HDLBP: variants seen among roughly 807,000 people sequenced by gnomAD.
HDLBP encodes high density lipoprotein binding protein.
In HDLBP, 30 loss-of-function variants were observed where a neutral mutation model predicts 137.3. The ratio of observed to expected loss-of-function variants is 0.22; its 90% CI spans 0.16 to 0.30. The LOEUF (loss-of-function observed/expected upper bound fraction) is 0.30. HDLBP is among the 10% of genes least tolerant of loss of function. The pLI is 1.00. For synonymous variants in HDLBP, 606 were observed against 596.0 expected, an observed-to-expected ratio of 1.02 and a Z score of -0.24; for missense variants, 1,119 against 1,667.3, an observed-to-expected ratio of 0.67 and a Z score of 5.73.
At chr2:241,236,237 A>T in intron 21 of HDLBP, 1 of 272,066 alleles carries the variant, frequency 3.7e-6, no homozygotes, top group Non-Finnish European at 7.0e-6. Flanking sequence ...CTCGACACTG[A>T]CTGCACACAA....
At chr2:241,295,561 TC>T (rs1318561286) in intron 1 of HDLBP, among the ~76,000 whole-genome samples, 1 of 152,148 alleles carries the variant, frequency 6.6e-6, no homozygotes, top group Non-Finnish European at 1.5e-5. Context: ...AGATGTCTGT[TC>T]TATTCCAAGT....
Position 241,249,944 on chromosome 2 carries a change from C to G in HDLBP, c.1409G>C (p.Arg470Pro). ...GCTCTTCTCACTGTCAGGAGGGATG[C>G]GCACGGACACCTTGTACTGGTCTTT... ...RIKDQYKVSV[R>P]IPPDSEKSNL... Residue 470 changes from arginine (R) to proline (P), a missense_variant, in exon 12 of 28, where the codon CGC becomes CCC. Physicochemically the swap from Arg to Pro is moderately radical, Grantham distance 103. Transcript: ENST00000310931. 6.2e-7 allele frequency: 1 copy of G among 1,613,342 alleles called. No homozygotes were observed. Among genetic ancestry groups the G allele is most frequent in the Non-Finnish European group, 8.5e-7 (1 of 1,179,670 alleles).
At chr2:241,274,145 G>T (rs1223761953) in intron 1 of HDLBP, among the ~76,000 whole-genome samples, 1 of 152,176 alleles carries the variant, frequency 6.6e-6, no homozygotes, top group Non-Finnish European at 1.5e-5. Context: ...ATGGATAAGG[G>T]GGTGTGATGC....
chr2:241,239,346 T>TCTCCC lies in HDLBP; in HGVS notation c.2610+251_2610+255dup, dbSNP rs1258999536. Among the ~76,000 whole-genome samples the TCTCCC allele has an allele frequency of 6.6e-6, 1 of 152,096 alleles. No individual in the cohort carries two copies. ...TCTCTTGCTTTCTTTCCTCTCTCTC[T>TCTCCC]CTCCCCTCTCCTCTTCTCCTTCTCT... On this transcript the variant is annotated intron_variant, in intron 19 of 27. Coordinates refer to ENST00000310931, the MANE Select transcript of HDLBP (RefSeq NM_005336.6). The surrounding 1 kb of genome is among the most constrained non-coding windows in gnomAD (Gnocchi z 4.6).
Position 241,272,284 on chromosome 2 carries a change from G to A in HDLBP, c.-102-3743C>T, listed in dbSNP as rs2074125342. On this transcript the variant is annotated intron_variant, in intron 1 of 27. Transcript: ENST00000310931. The surrounding 1 kb of genome is among the most constrained non-coding windows in gnomAD (Gnocchi z 5.6). ...GGGAAGGACCCCGCTGGCCTCCCAG[G>A]GACCCCCACCCTGGCCGCACACGGC... 1 of 978,580 alleles carries A rather than the reference G, an allele frequency of 1.0e-6. No individual in the cohort carries two copies. The allele number at this position is 978,580 out of a possible 1,614,324, so 60.6% of individuals were successfully genotyped here. A position where few individuals can be genotyped will look rare whatever the true frequency, so the allele number is the denominator to read the frequency against.
chr2:241,296,485 GATTT>G (rs901116689), intron 1 of HDLBP, among the ~76,000 whole-genome samples: 1 of 152,180 alleles, frequency 6.6e-6, no homozygotes, highest in African/African-American at 2.4e-5. Flanking sequence ...GGAAGATATT[GATTT>G]ATTTGACCCT....
chr2:241,242,720 G>A (rs764260152), intron 16 of HDLBP, 42 bp from the exon 17 acceptor site: 3 of 1,518,800 alleles, frequency 2.0e-6, no homozygotes, highest in Non-Finnish European at 2.7e-6. Context: ...TCACATTTTT[G>A]TGGCAAAAAG....
intron 1 of HDLBP, among the ~76,000 whole-genome samples, chr2:241,284,538 G>A (rs1033425952): frequency 6.6e-6 from 1 of 152,240 alleles, no homozygotes; most frequent in African/African-American, 2.4e-5. Flanking sequence ...TGTGAACATT[G>A]TTGAAATGAC....
At chr2:241,276,311 C>G (rs780659227) in intron 1 of HDLBP, among the ~76,000 whole-genome samples, 23 of 152,102 alleles carry the variant, frequency 1.5e-4, no homozygotes, top group Non-Finnish European at 3.1e-4. Context: ...TGGCAATGTT[C>G]TAGATCTTGG....
At chr2:241,242,409 T>C in intron 17 of HDLBP, 51 bp downstream of exon 17, 1 of 1,499,334 alleles carries the variant, frequency 6.7e-7, no homozygotes. Flanking sequence ...GAGAACACTG[T>C]ACTGAGGACC....
chr2:241,270,078 C>T (rs533478965), intron 1 of HDLBP, among the ~76,000 whole-genome samples: 35 of 152,306 alleles, frequency 2.3e-4, no homozygotes, highest in Non-Finnish European at 3.2e-4. Flanking sequence ...CAGCCCGCAC[C>T]GACTCTCCAG....
At chr2:241,246,629 G>A in intron 16 of HDLBP, 123 bp downstream of exon 16, 1 of 938,016 alleles carries the variant, frequency 1.1e-6, no homozygotes, top group Non-Finnish European at 1.6e-6. Context: ...GGATTGAAAG[G>A]TGCAATCTTC....
chr2:241,253,435 G>T lies in HDLBP; in HGVS notation c.1251C>A (p.Val417=), dbSNP rs891313103. The T allele has an allele frequency of 1.2e-6, 2 of 1,613,300 alleles. No homozygotes were observed. Among genetic ancestry groups the T allele is most frequent in the African/African-American group, 2.7e-5 (2 of 74,856 alleles). Residue 417 remains valine (V), a synonymous_variant, in exon 10 of 28, where the codon GTC becomes GTA. Transcript: ENST00000310931. The part of the protein sequence containing the change: ...KITLEGPTED[V]NVAQEQIEGM... ...CTTCTATCTGTTCCTGGGCCACATT[G>T]ACATCCTCTGTAGGGCCCTCCAGGG...
At chr2:241,314,519 G>A (rs1464709002) in intron 1 of HDLBP, among the ~76,000 whole-genome samples, 1 of 152,132 alleles carries the variant, frequency 6.6e-6, no homozygotes, top group Admixed American at 6.5e-5. Flanking sequence ...GACATAAAAC[G>A]CAAAACTGAG....
At position 241,272,256 on chromosome 2, in the gene HDLBP, G is replaced by C. The variant is rs1010654856; in HGVS notation, c.-102-3715C>G. ...CCAGACCCCCGCCCCGCCGCCACCT[G>C]GGGGGAAGGACCCCGCTGGCCTCCC... On this transcript the variant is annotated intron_variant, in intron 1 of 27. Coordinates refer to ENST00000310931, the MANE Select transcript of HDLBP (RefSeq NM_005336.6). This position sits in a 1 kb window ranked among gnomAD's most constrained non-coding sequence, Gnocchi z 5.6. 1.1e-3 allele frequency: 1,068 copies of C among 965,762 alleles called. 1 individual carries two copies. Among genetic ancestry groups the C allele is most frequent in the Non-Finnish European group, 1.3e-3 (1,018 of 812,612 alleles). The allele number at this position is 965,762 out of a possible 1,614,324, so 59.8% of individuals were successfully genotyped here.
rs963086342 is a variant in HDLBP, at chr2:241,230,568, G to A, written c.3474+191C>T. On this transcript the variant is annotated intron_variant, in intron 25 of 27. Coordinates refer to ENST00000310931, the MANE Select transcript of HDLBP (RefSeq NM_005336.6). The surrounding 1 kb of genome is among the most constrained non-coding windows in gnomAD (Gnocchi z 5.0). ...AGGAGATGCCCTCCTAATGGCCACC[G>A]TGGCAGTGCAGCCTCACACAGGCCG... Among the ~76,000 whole-genome samples, 7 of 152,216 alleles carry A rather than the reference G, an allele frequency of 4.6e-5. No individual in the cohort carries two copies. Among genetic ancestry groups the A allele is most frequent in the Admixed American group, 2.6e-4 (4 of 15,288 alleles).
chr2:241,302,451 G>C (rs955296103), intron 1 of HDLBP, among the ~76,000 whole-genome samples: 3 of 152,134 alleles, frequency 2.0e-5, no homozygotes, highest in Admixed American at 2.0e-4. Context: ...GCAGAAGCAG[G>C]AGGATTACTT....
chr2:241,249,750 TA>T, intron 12 of HDLBP, 90 bp downstream of exon 12: 1 of 1,305,168 alleles, frequency 7.7e-7, no homozygotes, highest in Non-Finnish European at 1.0e-6. Context: ...TTCCATTCTC[TA>T]AGGCCGCACA....
At chr2:241,244,810 AT>A (rs1019969250) in intron 16 of HDLBP, among the ~76,000 whole-genome samples, 11 of 152,234 alleles carry the variant, frequency 7.2e-5, no homozygotes, top group East Asian at 1.9e-4. Flanking sequence ...AAATAATGGA[AT>A]TTTTTTTAAA....
Sources: allele counts gnomAD v4.1 joint callset (sites outside exome capture counted in the v4.1 genomes callset), GRCh38; gene constraint gnomAD v4.1.1; non-coding constraint Gnocchi (gnomAD v3.1); transcripts MANE v1.5; gene names NCBI Gene and HGNC (gene_info 2026-07-23, HGNC 2026-07-21).